Variants in RNF175 observed in about 807,000 individuals in gnomAD.
RNF175 encodes ring finger protein 175.
In RNF175, 38 loss-of-function variants were observed where a neutral mutation model predicts 50.0. That is an observed-to-expected ratio of 0.76 (90% CI 0.59 to 1.00). The LOEUF is 1.00. Among genes scored for constraint, RNF175 ranks in the 50% least tolerant of loss-of-function variants. The pLI, the probability that RNF175 is intolerant of heterozygous loss-of-function variation, is 0.00. For synonymous variants in RNF175, 155 were observed against 146.1 expected (o/e 1.06, Z -0.44); for missense variants, 388 against 409.6 (o/e 0.95, Z 0.46).
At chr4:153,729,815 G>A (rs1738928543) in intron 3 of RNF175, 2 of 984,800 alleles carry the variant, frequency 2.0e-6, no homozygotes, top group African/African-American at 1.7e-5. Flanking sequence ...TCTGAGGTGA[G>A]TATCTGAGGA....
intron 4 of RNF175, among the ~76,000 whole-genome samples, chr4:153,725,220 A>G (rs1456597818): frequency 6.6e-6 from 1 of 152,132 alleles, no homozygotes; most frequent in East Asian, 1.9e-4. Context: ...GTGGCCTCAA[A>G]AGGAAGCCAG....
chr4:153,743,545 T>G (rs11099896), intron 3 of RNF175, among the ~76,000 whole-genome samples: 44,136 of 151,856 alleles, frequency 0.29, 7,224 homozygotes, highest in East Asian at 0.81. Flanking sequence ...TTGACTATGG[T>G]GGGGGCAACT....
At chr4:153,754,169 C>CAA (rs200643804) in intron 1 of RNF175, among the ~76,000 whole-genome samples, 198 of 79,964 alleles carry the variant, frequency 2.5e-3, no homozygotes, top group Non-Finnish European at 3.2e-3. Flanking sequence ...GACTCCGTCT[C>CAA]AAAAAAAAAA....
At chr4:153,711,899 CTTTA>C (rs1560764292) in intron 8 of RNF175, among the ~76,000 whole-genome samples, 1 of 152,078 alleles carries the variant, frequency 6.6e-6, no homozygotes, top group East Asian at 1.9e-4. Flanking sequence ...CTCTGTAAAT[CTTTA>C]TTTATTTTCA....
Position 153,711,795 on chromosome 4 carries a change from A to G in RNF175, c.866+680T>C, listed in dbSNP as rs180984215. On this transcript the variant is annotated intron_variant, in intron 8 of 8. Transcript: ENST00000347063. ...TTCTAGTTAGCTCCTGATGGGGGCC[A>G]TTACCTTCCTGCGACCTTAATGTGA... is the stretch of plus-strand genomic sequence containing the variant. Among the ~76,000 whole-genome samples the G allele has an allele frequency of 1.5e-4, 23 of 152,304 alleles. No individual in the cohort carries two copies. The East Asian group carries it at 3.7e-3, about 24-fold the overall frequency.
intron 3 of RNF175, among the ~76,000 whole-genome samples, chr4:153,742,476 T>A (rs1739722144): frequency 6.6e-6 from 1 of 152,184 alleles, no homozygotes; most frequent in Non-Finnish European, 1.5e-5. Context: ...TATGATTACG[T>A]TTGCACAAAC....
At chr4:153,726,870 A>G (rs929530873) in intron 4 of RNF175, among the ~76,000 whole-genome samples, 3 of 152,148 alleles carry the variant, frequency 2.0e-5, no homozygotes, top group African/African-American at 7.2e-5. Context: ...TAGGGCTTGG[A>G]GTTGTGCAGG....
intron 5 of RNF175, 140 bp from the exon 6 acceptor site, chr4:153,720,444 T>C (rs1387616119): frequency 6.0e-5 from 40 of 663,170 alleles, no homozygotes; most frequent in Non-Finnish European, 9.7e-5. Flanking sequence ...GATTTTTCTT[T>C]TTTAAATGAA....
At chr4:153,727,203 A>G (rs1169408837) in intron 4 of RNF175, among the ~76,000 whole-genome samples, 1 of 152,206 alleles carries the variant, frequency 6.6e-6, no homozygotes, top group East Asian at 1.9e-4. Context: ...CCATACATTC[A>G]CTTTACTGAT....
chr4:153,716,229 A>T (rs1422871928), intron 6 of RNF175, among the ~76,000 whole-genome samples: 1 of 152,166 alleles, frequency 6.6e-6, no homozygotes, highest in Non-Finnish European at 1.5e-5. Context: ...ATAACTTCTC[A>T]TCTAACCTCC....
At chr4:153,725,975 A>G (rs1027606870) in intron 4 of RNF175, among the ~76,000 whole-genome samples, 4 of 152,090 alleles carry the variant, frequency 2.6e-5, no homozygotes, top group Admixed American at 2.6e-4. Flanking sequence ...GCCAGATAGG[A>G]GATTGTTTAA....
intron 3 of RNF175, among the ~76,000 whole-genome samples, chr4:153,732,658 T>C (rs748952664): frequency 1.2e-4 from 19 of 152,238 alleles, no homozygotes; most frequent in Admixed American, 2.0e-4. Context: ...TACTGATTTG[T>C]GAAGTCAGAG....
At chr4:153,742,355 AC>A (rs1035514790) in intron 3 of RNF175, among the ~76,000 whole-genome samples, 5 of 152,182 alleles carry the variant, frequency 3.3e-5, no homozygotes, top group Non-Finnish European at 5.9e-5. Flanking sequence ...TTGAAAAAAA[AC>A]AATTCATTAT....
intron 3 of RNF175, among the ~76,000 whole-genome samples, chr4:153,736,058 G>A (rs1739339786): frequency 1.3e-5 from 2 of 152,128 alleles, no homozygotes; most frequent in Admixed American, 1.3e-4. Context: ...TATCTTAGAG[G>A]GAAATCATCC....
At chr4:153,759,443 G>T (rs1740717298) in intron 1 of RNF175, among the ~76,000 whole-genome samples, 1 of 152,220 alleles carries the variant, frequency 6.6e-6, no homozygotes, top group South Asian at 2.1e-4. Flanking sequence ...CCGCCGAGGA[G>T]GGAGGAGGGC....
chr4:153,715,203 C>G, intron 7 of RNF175: 1 of 388,222 alleles, frequency 2.6e-6, no homozygotes, highest in Non-Finnish European at 4.9e-6. Flanking sequence ...CCCCTTCTTT[C>G]CCTGATCTTT....
At chr4:153,734,777 G>A (rs56256921) in intron 3 of RNF175, among the ~76,000 whole-genome samples, 15,631 of 141,426 alleles carry the variant, frequency 0.11, 1,519 homozygotes, top group East Asian at 0.5. Context: ...CTGGGTTCAC[G>A]CCATTCTCCT....
At chr4:153,720,460 T>G (rs1738269775) in intron 5 of RNF175, 156 bp from the exon 6 acceptor site, 2 of 612,738 alleles carry the variant, frequency 3.3e-6, no homozygotes, top group Admixed American at 6.0e-5. Context: ...ATGAAATAAT[T>G]TAAAATCCTC....
chr4:153,732,987 A>G (rs1330459581), intron 3 of RNF175, among the ~76,000 whole-genome samples: 2 of 152,200 alleles, frequency 1.3e-5, no homozygotes, highest in East Asian at 1.9e-4. Context: ...CACTTTTGAC[A>G]TCACACAGGA....
Sources: allele counts gnomAD v4.1 joint callset (sites outside exome capture counted in the v4.1 genomes callset), GRCh38; gene constraint gnomAD v4.1.1; transcripts MANE v1.5; gene names NCBI Gene and HGNC (gene_info 2026-07-23, HGNC 2026-07-21).